The following NRG1 variants were observed in gnomAD, a reference collection of about 807,000 sequenced individuals.
NRG1 encodes pro-neuregulin-1, membrane-bound isoform.
A neutral mutation model predicts 63.8 loss-of-function variants in NRG1; 18 were observed. The observed-to-expected ratio is 0.28, with a 90% CI of 0.19 to 0.42. NRG1 has a LOEUF of 0.42. Among genes scored for constraint, NRG1 ranks in the 10% least tolerant of loss-of-function variants. NRG1 has a pLI of 1.00. For missense variants in NRG1, 762 were observed against 814.7 expected (o/e 0.94, Z 0.79); for synonymous variants, 302 against 301.3 (o/e 1.00, Z -0.02).
chr8:32,160,078 G>A (rs1368912223), intron 1 of NRG1, among the ~76,000 whole-genome samples: 1 of 152,126 alleles, frequency 6.6e-6, no homozygotes, highest in Non-Finnish European at 1.5e-5. Flanking sequence ...AAGCCTAGTG[G>A]GGAGAAATAG....
intron 1 of NRG1, among the ~76,000 whole-genome samples, chr8:31,659,101 T>C (rs749725684): frequency 1.3e-5 from 2 of 152,124 alleles, no homozygotes; most frequent in Non-Finnish European, 2.9e-5. Flanking sequence ...GAAGCACTAC[T>C]TTAACAGGCA....
intron 1 of NRG1, among the ~76,000 whole-genome samples, chr8:31,646,317 C>T (rs1204439054): frequency 6.6e-6 from 1 of 152,124 alleles, no homozygotes; most frequent in Non-Finnish European, 1.5e-5. Context: ...TCCAAGGGAA[C>T]CTAGAGGAGG....
chr8:32,532,490 C>T (rs995607648), intron 1 of NRG1, among the ~76,000 whole-genome samples: 2 of 152,014 alleles, frequency 1.3e-5, no homozygotes, highest in African/African-American at 4.8e-5. Context: ...ATTAGAGAAA[C>T]AGTGTTTTTC....
At chr8:31,802,296 T>C (rs981032839) in intron 1 of NRG1, among the ~76,000 whole-genome samples, 3 of 152,182 alleles carry the variant, frequency 2.0e-5, no homozygotes, top group African/African-American at 7.2e-5. Context: ...TCATGCTACA[T>C]TCCTTCACAA....
chr8:31,878,782 G>A (rs1830119062), intron 1 of NRG1, among the ~76,000 whole-genome samples: 1 of 152,170 alleles, frequency 6.6e-6, no homozygotes, highest in Non-Finnish European at 1.5e-5. Flanking sequence ...GTTGCTGTCT[G>A]CTGGATAAAG....
intron 1 of NRG1, among the ~76,000 whole-genome samples, chr8:32,407,961 T>C (rs1394485879): frequency 6.6e-6 from 1 of 152,188 alleles, no homozygotes; most frequent in Non-Finnish European, 1.5e-5. Context: ...GTTCAAATCC[T>C]TACTTTCAGT....
intron 1 of NRG1, among the ~76,000 whole-genome samples, chr8:31,681,054 A>G (rs896451522): frequency 6.6e-6 from 1 of 152,102 alleles, no homozygotes; most frequent in Non-Finnish European, 1.5e-5. Flanking sequence ...AATTCTTTAT[A>G]AAGACTTGAC....
At chr8:31,658,392 G>T (rs1315584068) in intron 1 of NRG1, among the ~76,000 whole-genome samples, 1 of 152,156 alleles carries the variant, frequency 6.6e-6, no homozygotes, top group African/African-American at 2.4e-5. Flanking sequence ...TGAGAATGAT[G>T]TGTCTCTCTC....
At chr8:31,738,336 A>T (rs1428810143) in intron 1 of NRG1, among the ~76,000 whole-genome samples, 1 of 152,130 alleles carries the variant, frequency 6.6e-6, no homozygotes, top group African/African-American at 2.4e-5. Context: ...CTTCGTTTTT[A>T]AGCCAGCAGG....
intron 1 of NRG1, among the ~76,000 whole-genome samples, chr8:31,685,216 A>G (rs536328658): frequency 6.6e-6 from 1 of 152,312 alleles, no homozygotes; most frequent in African/African-American, 2.4e-5. Flanking sequence ...ACCATGGTTA[A>G]TGGACATGGG....
intron 1 of NRG1, among the ~76,000 whole-genome samples, chr8:31,760,849 T>C (rs1187293412): frequency 6.6e-6 from 1 of 152,172 alleles, no homozygotes; most frequent in Non-Finnish European, 1.5e-5. Flanking sequence ...TTTACACTGT[T>C]GGTGGGACTG....
intron 1 of NRG1, among the ~76,000 whole-genome samples, chr8:32,495,210 C>T (rs143759921): frequency 7.2e-5 from 11 of 152,254 alleles, no homozygotes; most frequent in African/African-American, 2.4e-4. Context: ...GGAGGGATCC[C>T]GTCGGAGGTA....
At chr8:32,146,773 CTA>C (rs1337272563) in intron 1 of NRG1, among the ~76,000 whole-genome samples, 1 of 151,690 alleles carries the variant, frequency 6.6e-6, no homozygotes, top group East Asian at 1.9e-4. Flanking sequence ...GTTAATCTTA[CTA>C]TATATTTGTC....
intron 1 of NRG1, among the ~76,000 whole-genome samples, chr8:32,404,329 T>C (rs1421919717): frequency 2.6e-5 from 4 of 152,154 alleles, no homozygotes; most frequent in Non-Finnish European, 2.9e-5. Context: ...TGCACACTCA[T>C]GTATTTTATA....
chr8:31,913,694 C>T (rs1363466528), intron 1 of NRG1, among the ~76,000 whole-genome samples: 1 of 152,120 alleles, frequency 6.6e-6, no homozygotes, highest in Non-Finnish European at 1.5e-5. Context: ...AGGCGCTTCT[C>T]CTCCCAAAAC....
At chr8:32,658,650 T>C (rs961797258) in intron 5 of NRG1, among the ~76,000 whole-genome samples, 3 of 152,210 alleles carry the variant, frequency 2.0e-5, no homozygotes, top group Non-Finnish European at 4.4e-5. Context: ...ATGTTAACCT[T>C]CTTGCCAGAG....
chr8:32,300,052 A>T lies in NRG1; in HGVS notation c.38-295776A>T, dbSNP rs571256235. ...AATAGGAGCACCACCTAGTTTAGAGACAACCTACCACAGGCAAATACCTCA... is the reference window on the plus strand; with the variant it reads ...AATAGGAGCACCACCTAGTTTAGAGTCAACCTACCACAGGCAAATACCTCA... On this transcript the variant is annotated intron_variant, in intron 1 of 10. Transcript: ENST00000519301. Among the ~76,000 whole-genome samples, 11 of 152,296 alleles carry T rather than the reference A, an allele frequency of 7.2e-5. No homozygotes were observed. In the South Asian group the frequency reaches 2.3e-3, roughly 32 times the overall value.
intron 1 of NRG1, among the ~76,000 whole-genome samples, chr8:32,555,138 A>C (rs1834876828): frequency 2.0e-5 from 3 of 152,208 alleles, no homozygotes; most frequent in Admixed American, 6.5e-5. Context: ...CATCTGTCAG[A>C]TTAATTCCCT....
intron 1 of NRG1, among the ~76,000 whole-genome samples, chr8:31,847,337 C>G (rs181898454): frequency 6.6e-6 from 1 of 151,052 alleles, no homozygotes; most frequent in Non-Finnish European, 1.5e-5. Context: ...TTCTCTACTT[C>G]CATGTTGATA....
Sources: allele counts gnomAD v4.1 joint callset (sites outside exome capture counted in the v4.1 genomes callset), GRCh38; gene constraint gnomAD v4.1.1; transcripts MANE v1.5; gene names NCBI Gene and HGNC (gene_info 2026-07-23, HGNC 2026-07-21).